NR6A1: variants seen among roughly 807,000 people sequenced by gnomAD.
NR6A1 encodes the protein retinoic acid receptor-related testis-associated receptor.
In NR6A1, 7 loss-of-function variants were observed where a neutral mutation model predicts 59.1. The ratio of observed to expected loss-of-function variants is 0.12; its 90% confidence interval spans 0.07 to 0.22. The LOEUF is 0.22. NR6A1 is among the 10% of genes least tolerant of loss of function. The pLI, the probability that NR6A1 is intolerant of heterozygous loss-of-function variation, is 1.00. For synonymous variants in NR6A1, 243 were observed against 236.1 expected (o/e 1.03, Z -0.27); for missense variants, 468 against 611.6 (o/e 0.77, Z 2.48).
chr9:124,518,481 T>G lies in NR6A1; in HGVS notation c.*4224A>C, dbSNP rs1832733597. ...GAGGAGTTTCTGGGGATCCTGTAAT[T>G]AAATACACATCCCTGAGCTGTGGCC... On this transcript the variant is annotated 3_prime_UTR_variant, in exon 10 of 10. Transcript: ENST00000487099. The G allele has an allele frequency of 1.3e-5, 2 of 151,966 alleles. No individual in the cohort carries two copies. The highest frequency in any genetic ancestry group is 2.9e-5 in the Non-Finnish European group (2 of 67,996). 9.4% of individuals were successfully genotyped at this position (151,966 alleles called of 1,614,324 possible). A position where few individuals can be genotyped will look rare whatever the true frequency, so the allele number is the denominator to read the frequency against.
intron 1 of NR6A1, among the ~76,000 whole-genome samples, chr9:124,747,640 T>G (rs1358465184): frequency 6.6e-6 from 1 of 152,188 alleles, no homozygotes; most frequent in Non-Finnish European, 1.5e-5. Context: ...TATTTTCTCT[T>G]TGAATCCTCT....
chr9:124,598,851 C>T, intron 2 of NR6A1: 1 of 734,538 alleles, frequency 1.4e-6, no homozygotes, highest in Non-Finnish European at 2.5e-6. Flanking sequence ...CTGCATTCTT[C>T]AAACTTTGTT....
chr9:124,581,312 AGGCC>A (rs1588683913), intron 2 of NR6A1, among the ~76,000 whole-genome samples: 1 of 152,188 alleles, frequency 6.6e-6, no homozygotes, highest in African/African-American at 2.4e-5. Context: ...CTATCATCAG[AGGCC>A]GGGCACAGTG....
chr9:124,730,973 T>C (rs1839868000), intron 2 of NR6A1, among the ~76,000 whole-genome samples: 2 of 152,176 alleles, frequency 1.3e-5, no homozygotes, highest in South Asian at 4.1e-4. Context: ...GAACACTCAG[T>C]GCTTAACAAA....
intron 2 of NR6A1, among the ~76,000 whole-genome samples, chr9:124,638,895 C>T (rs1224250928): frequency 6.6e-6 from 1 of 152,114 alleles, no homozygotes; most frequent in Non-Finnish European, 1.5e-5. Flanking sequence ...CTAAGTTTTG[C>T]CATACTATTC....
At chr9:124,764,923 T>C (rs1840888451) in intron 1 of NR6A1, among the ~76,000 whole-genome samples, 3 of 152,168 alleles carry the variant, frequency 2.0e-5, no homozygotes, top group Admixed American at 2.0e-4. Flanking sequence ...CCAGCTGACT[T>C]ATCAGCAGGG....
At position 124,703,151 on chromosome 9, in the gene NR6A1, C is replaced by G. The variant is rs965745041; in HGVS notation, c.142+30157G>C. ...AACTCCTGACCTCAACTGATCTGCCCACCTCAGCCTCCCAAAGTGCTGAGA... is the reference window on the plus strand; with the variant it reads ...AACTCCTGACCTCAACTGATCTGCCGACCTCAGCCTCCCAAAGTGCTGAGA... On this transcript the variant is annotated intron_variant, in intron 2 of 9. Coordinates refer to ENST00000487099, the MANE Select transcript of NR6A1 (RefSeq NM_033334.4). Among the ~76,000 whole-genome samples, 7 of 151,836 alleles carry G rather than the reference C, an allele frequency of 4.6e-5. No individual in the cohort carries two copies. The East Asian group carries it at 1.4e-3, about 29-fold the overall frequency.
chr9:124,666,975 A>G (rs1837641675), intron 2 of NR6A1, among the ~76,000 whole-genome samples: 1 of 152,040 alleles, frequency 6.6e-6, no homozygotes, highest in Non-Finnish European at 1.5e-5. Flanking sequence ...CTAGAACACC[A>G]CAGATGCTTC....
chr9:124,654,426 C>T (rs1218909416), intron 2 of NR6A1, among the ~76,000 whole-genome samples: 11 of 152,294 alleles, frequency 7.2e-5, no homozygotes, highest in African/African-American at 2.6e-4. Context: ...AGGGCCCCAT[C>T]CCACCTCTCC....
intron 3 of NR6A1, among the ~76,000 whole-genome samples, chr9:124,548,775 G>T (rs1251989274): frequency 6.6e-6 from 1 of 152,126 alleles, no homozygotes; most frequent in South Asian, 2.1e-4. Flanking sequence ...GAACTAGTTA[G>T]CAAGTTATGA....
At chr9:124,600,319 G>A (rs900584723) in intron 2 of NR6A1, among the ~76,000 whole-genome samples, 5 of 152,106 alleles carry the variant, frequency 3.3e-5, no homozygotes, top group African/African-American at 9.7e-5. Context: ...GTCAAATGAA[G>A]TCCATATTAT....
At chr9:124,627,381 T>C (rs775700789) in intron 2 of NR6A1, among the ~76,000 whole-genome samples, 5 of 152,136 alleles carry the variant, frequency 3.3e-5, no homozygotes, top group Non-Finnish European at 7.3e-5. Context: ...TTCCATACCA[T>C]TTTTTCCCTT....
chr9:124,524,037 C>G (rs964627293), intron 9 of NR6A1, among the ~76,000 whole-genome samples: 7 of 152,086 alleles, frequency 4.6e-5, no homozygotes, highest in African/African-American at 1.4e-4. Context: ...GGGTCAAGAC[C>G]ACATAGAAAC....
intron 7 of NR6A1, among the ~76,000 whole-genome samples, chr9:124,527,639 T>TAC (rs755122378): frequency 1.3e-5 from 2 of 152,208 alleles, no homozygotes; most frequent in Non-Finnish European, 2.9e-5. Context: ...CAAATACAGT[T>TAC]AATTGGTGAC....
At chr9:124,701,830 TCTC>T (rs1838962622) in intron 2 of NR6A1, among the ~76,000 whole-genome samples, 1 of 152,176 alleles carries the variant, frequency 6.6e-6, no homozygotes. Flanking sequence ...TTCATGCGAT[TCTC>T]CTGCTTCAGC....
At chr9:124,735,466 A>C (rs1301430860) in intron 1 of NR6A1, among the ~76,000 whole-genome samples, 1 of 152,242 alleles carries the variant, frequency 6.6e-6, no homozygotes, top group Non-Finnish European at 1.5e-5. Flanking sequence ...GAAGGTGCTG[A>C]AATGCAGGAT....
chr9:124,543,585 A>T (rs1833510180), intron 4 of NR6A1, among the ~76,000 whole-genome samples: 1 of 152,224 alleles, frequency 6.6e-6, no homozygotes, highest in Non-Finnish European at 1.5e-5. Flanking sequence ...TCCTTAGGAA[A>T]GGCTGAGGGA....
At chr9:124,750,316 C>T (rs1459162832) in intron 1 of NR6A1, among the ~76,000 whole-genome samples, 1 of 152,182 alleles carries the variant, frequency 6.6e-6, no homozygotes, top group African/African-American at 2.4e-5. Context: ...ATGCCCAGGG[C>T]CAGCATTTTT....
chr9:124,562,490 T>C (rs536189276), intron 2 of NR6A1, among the ~76,000 whole-genome samples: 1 of 152,208 alleles, frequency 6.6e-6, no homozygotes, highest in South Asian at 2.1e-4. Context: ...CTATTCACAG[T>C]TGCAGTCATA....
Sources: gnomAD v4.1 joint callset for allele counts (sites outside exome capture counted in the v4.1 genomes callset) on GRCh38, gnomAD v4.1.1 for gene constraint, MANE v1.5 for transcripts, NCBI Gene and HGNC (gene_info 2026-07-23, HGNC 2026-07-21) for gene names.